FZD3: variants seen among roughly 807,000 people sequenced by gnomAD.
FZD3 encodes frizzled class receptor 3, also known as frizzled-3.
In FZD3, 30 loss-of-function variants were observed where a neutral mutation model predicts 60.7. That is an observed-to-expected ratio of 0.49 (90% CI 0.37 to 0.67). FZD3 has a LOEUF of 0.67. Ranked by LOEUF, FZD3 falls within the 30% of genes least tolerant of loss-of-function variation. FZD3 has a pLI of 0.00. For missense variants in FZD3, 605 were observed against 838.7 expected (o/e 0.72, Z 3.44); for synonymous variants, 246 against 275.2 (o/e 0.89, Z 1.05).
intron 5 of FZD3, among the ~76,000 whole-genome samples, chr8:28,535,078 T>A (rs1296873755): frequency 6.6e-6 from 1 of 152,218 alleles, no homozygotes; most frequent in Non-Finnish European, 1.5e-5. Flanking sequence ...AAAAAATTAG[T>A]TCCTGAATTT....
In FZD3 at chr8:28,502,914, CAGA is replaced by C. The variant is rs1376509516; in HGVS notation, c.-94_-92del. The stretch of plus-strand genomic sequence containing the variant: ...GTTTGAAGAATTTAACAGTAAGATA[CAGA>C]AGAAGTACCTTCGAGCTGAGACCTG... On this transcript the variant is annotated 5_prime_UTR_variant, in exon 3 of 8. Transcript: ENST00000240093. 2 of 706,010 alleles carry C rather than the reference CAGA, an allele frequency of 2.8e-6. No homozygotes were observed. Among genetic ancestry groups the C allele is most frequent in the Admixed American group, 2.5e-5 (1 of 39,792 alleles). 43.7% of individuals were successfully genotyped at this position (706,010 alleles called of 1,614,324 possible).
intron 5 of FZD3, among the ~76,000 whole-genome samples, chr8:28,538,344 G>GCCAA (rs1805073214): frequency 2.6e-5 from 4 of 152,182 alleles, no homozygotes; most frequent in Admixed American, 2.6e-4. Context: ...AATCATAGTT[G>GCCAA]CTTCTAGTTT....
chr8:28,500,856 G>A (rs180851163), intron 2 of FZD3, among the ~76,000 whole-genome samples: 20 of 152,200 alleles, frequency 1.3e-4, no homozygotes, highest in Non-Finnish European at 2.6e-4. Flanking sequence ...TGCCTCCCAG[G>A]TTCAAGCGAT....
At chr8:28,558,678 C>T (rs1805559347) in intron 7 of FZD3, among the ~76,000 whole-genome samples, 2 of 152,114 alleles carry the variant, frequency 1.3e-5, no homozygotes, top group African/African-American at 4.8e-5. Context: ...GTGATCTGCC[C>T]ATCTCAGCCT....
chr8:28,524,561 T>A (rs1804667270), intron 4 of FZD3, among the ~76,000 whole-genome samples: 1 of 152,218 alleles, frequency 6.6e-6, no homozygotes, highest in Non-Finnish European at 1.5e-5. Context: ...GTAAGAGAAC[T>A]ATTGTGATCT....
At chr8:28,549,553 G>A (rs1805366154) in intron 5 of FZD3, among the ~76,000 whole-genome samples, 1 of 151,780 alleles carries the variant, frequency 6.6e-6, no homozygotes, top group East Asian at 1.9e-4. Context: ...GTTTTTATAA[G>A]CTTTATTTCT....
intron 5 of FZD3, among the ~76,000 whole-genome samples, chr8:28,534,944 T>C (rs967201953): frequency 1.3e-5 from 2 of 152,190 alleles, no homozygotes; most frequent in African/African-American, 4.8e-5. Context: ...TTTTTAAATG[T>C]TTTAAGCAAT....
chr8:28,516,078 G>T (rs1373879688), intron 3 of FZD3, among the ~76,000 whole-genome samples: 1 of 152,062 alleles, frequency 6.6e-6, no homozygotes, highest in African/African-American at 2.4e-5. Context: ...GTTGATTTTT[G>T]TATATAAGGT....
chr8:28,557,440 T>C (rs992704826), intron 7 of FZD3, among the ~76,000 whole-genome samples: 10 of 152,206 alleles, frequency 6.6e-5, no homozygotes, highest in African/African-American at 2.4e-4. Context: ...GTCTTCTCCC[T>C]GTCCTCCTAG....
chr8:28,540,252 C>G (rs1424214608), intron 5 of FZD3, among the ~76,000 whole-genome samples: 1 of 152,136 alleles, frequency 6.6e-6, no homozygotes, highest in Admixed American at 6.5e-5. Flanking sequence ...TTTTCTGAGA[C>G]AGAGTCTCGC....
At chr8:28,508,521 G>A (rs767100689) in intron 3 of FZD3, among the ~76,000 whole-genome samples, 7 of 149,666 alleles carry the variant, frequency 4.7e-5, no homozygotes, top group Non-Finnish European at 1.0e-4. Flanking sequence ...TTGTTTTTGA[G>A]ACAGGGCCTG....
At chr8:28,537,888 C>G (rs10110026) in intron 5 of FZD3, among the ~76,000 whole-genome samples, 88,927 of 151,822 alleles carry the variant, frequency 0.59, 26,228 homozygotes, top group East Asian at 0.65. Context: ...AGGCCGAGGT[C>G]GGCAGATCAC....
intron 5 of FZD3, among the ~76,000 whole-genome samples, chr8:28,536,950 T>G (rs1805030574): frequency 6.6e-6 from 1 of 152,202 alleles, no homozygotes. Context: ...AATGGGTATG[T>G]TTTACGCTGC....
intron 5 of FZD3, among the ~76,000 whole-genome samples, chr8:28,547,972 C>G (rs956031600): frequency 1.3e-5 from 2 of 151,856 alleles, no homozygotes; most frequent in African/African-American, 4.8e-5. Flanking sequence ...TCAGTCTCAG[C>G]CTCCCAAGTA....
chr8:28,498,637 G>A (rs1480778628), intron 1 of FZD3, among the ~76,000 whole-genome samples: 3 of 152,176 alleles, frequency 2.0e-5, no homozygotes, highest in South Asian at 2.1e-4. Context: ...GGATGCAGTA[G>A]TACAGTCTCC....
intron 4 of FZD3, among the ~76,000 whole-genome samples, chr8:28,522,037 T>C (rs1033685914): frequency 6.6e-6 from 1 of 152,136 alleles, no homozygotes; most frequent in African/African-American, 2.4e-5. Flanking sequence ...TGTTGATAGG[T>C]TCTCAGAATA....
At chr8:28,497,682 A>G (rs183919650) in intron 1 of FZD3, among the ~76,000 whole-genome samples, 2 of 152,348 alleles carry the variant, frequency 1.3e-5, no homozygotes, top group Admixed American at 1.3e-4. Flanking sequence ...GAATGATGGA[A>G]TGGAGCCCTT....
rs1458915877 is a variant in FZD3, at chr8:28,568,945, A to G, written c.*5934A>G. The G allele has an allele frequency of 2.0e-5, 3 of 152,146 alleles. No homozygotes were observed. Among genetic ancestry groups the G allele is most frequent in the Non-Finnish European group, 4.4e-5 (3 of 67,986 alleles). The allele number at this position is 152,146 out of a possible 1,614,324, so 9.4% of individuals were successfully genotyped here. On this transcript the variant is annotated 3_prime_UTR_variant, in exon 8 of 8. Coordinates refer to ENST00000240093, the MANE Select transcript of FZD3 (RefSeq NM_017412.4). ...ACCAGTTTTTCCCGATAAAGATTAA[A>G]AATGTTTTTTACCTTGAAATAATTC...
intron 5 of FZD3, among the ~76,000 whole-genome samples, chr8:28,529,264 T>C (rs1292120265): frequency 6.6e-6 from 1 of 152,118 alleles, no homozygotes; most frequent in Non-Finnish European, 1.5e-5. Context: ...AGTACTCTAA[T>C]GTGGTGTCTC....
Sources: gnomAD v4.1 joint callset for allele counts (sites outside exome capture counted in the v4.1 genomes callset) on GRCh38, gnomAD v4.1.1 for gene constraint, MANE v1.5 for transcripts, NCBI Gene and HGNC (gene_info 2026-07-23, HGNC 2026-07-21) for gene names.